The following DMD variants were observed in gnomAD, a reference collection of about 807,000 sequenced individuals.
The protein encoded by DMD is mutant dystrophin.
Under a neutral mutation model 330.1 loss-of-function variants are expected in DMD, and 63 were observed. The observed-to-expected ratio is 0.19, with a 90% CI of 0.16 to 0.24. The LOEUF is 0.24. Ranked by LOEUF, DMD falls within the 10% of genes least tolerant of loss-of-function variation. The probability of loss-of-function intolerance (pLI) is 1.00; values close to 1 mark genes in which losing one functional copy is unlikely to be tolerated. For synonymous variants in DMD, 1,223 were observed against 959.8 expected, an observed-to-expected ratio of 1.27 and a Z score of -5.07; for missense variants, 3,344 against 2,684.1, an observed-to-expected ratio of 1.25 and a Z score of -5.43.
At chrX:32,240,053 G>A (rs2097202287) in intron 43 of DMD, among the ~76,000 whole-genome samples, 1 of 110,577 alleles carries the variant, frequency 9.0e-6, no homozygotes, top group African/African-American at 3.3e-5. Flanking sequence ...TTCCATCTTT[G>A]AGACATGTTC....
intron 1 of DMD, among the ~76,000 whole-genome samples, chrX:33,111,820 A>G (rs1192084859): frequency 1.8e-5 from 2 of 110,601 alleles, no homozygotes; most frequent in Non-Finnish European, 3.8e-5. Flanking sequence ...CATGTTGGCC[A>G]GGCTGGTCTC....
At chrX:32,227,947 C>G (rs1318386936) in intron 43 of DMD, among the ~76,000 whole-genome samples, 1 of 110,735 alleles carries the variant, frequency 9.0e-6, no homozygotes, top group Non-Finnish European at 1.9e-5. Context: ...TTTAGATAAA[C>G]GAGGACTTTT....
chrX:32,580,331 G>C (rs761329668), intron 13 of DMD, among the ~76,000 whole-genome samples: 1 of 112,054 alleles, frequency 8.9e-6, no homozygotes. Flanking sequence ...CCCAACTTTT[G>C]TCTTAGAACC....
intron 11 of DMD, among the ~76,000 whole-genome samples, chrX:32,614,973 C>T (rs1243548205): frequency 3.6e-5 from 4 of 110,709 alleles, no homozygotes; most frequent in Non-Finnish European, 7.6e-5. Flanking sequence ...TTCTTCCTCT[C>T]TTGAAGCCTA....
At chrX:32,686,492 G>A (rs2062871899) in intron 9 of DMD, among the ~76,000 whole-genome samples, 1 of 99,973 alleles carries the variant, frequency 1.0e-5, no homozygotes, top group Non-Finnish European at 2.0e-5. Flanking sequence ...CCAGGAGGCA[G>A]AGGTTGCATT....
At chrX:32,121,620 C>CATATATATATATAT (rs10535803) in intron 44 of DMD, among the ~76,000 whole-genome samples, 7 of 36,420 alleles carry the variant, frequency 1.9e-4, no homozygotes, top group East Asian at 1.3e-3. Flanking sequence ...AATATGTGTG[C>CATATATATATATAT]ATATATATAT....
At chrX:31,326,765 C>T (rs745336080) in intron 61 of DMD, among the ~76,000 whole-genome samples, 1 of 111,295 alleles carries the variant, frequency 9.0e-6, no homozygotes, top group Non-Finnish European at 1.9e-5. Context: ...TAAGGGTTGT[C>T]GACAATTTCA....
intron 50 of DMD, among the ~76,000 whole-genome samples, chrX:31,784,910 T>A (rs1189078118): frequency 8.9e-6 from 1 of 111,924 alleles, no homozygotes; most frequent in Non-Finnish European, 1.9e-5. Flanking sequence ...TGGGATGTAA[T>A]CCCAGTGTAA....
chrX:31,406,022 A>G (rs1305641785), intron 60 of DMD, among the ~76,000 whole-genome samples: 1 of 112,248 alleles, frequency 8.9e-6, no homozygotes, highest in Non-Finnish European at 1.9e-5. Context: ...CAGCTTTTCA[A>G]CTTAACAAAA....
chrX:31,313,482 T>C (rs774865255), intron 62 of DMD, among the ~76,000 whole-genome samples: 1 of 112,374 alleles, frequency 8.9e-6, no homozygotes, highest in Non-Finnish European at 1.9e-5. Context: ...TTGAAACAGC[T>C]AGAAGCAATA....
At chrX:31,832,747 A>T (rs1172158919) in intron 49 of DMD, among the ~76,000 whole-genome samples, 1 of 112,635 alleles carries the variant, frequency 8.9e-6, no homozygotes, top group Non-Finnish European at 1.9e-5. Flanking sequence ...GCTTCATTTT[A>T]TCACTTTAGA....
intron 1 of DMD, among the ~76,000 whole-genome samples, chrX:33,161,421 A>G (rs2048765570): frequency 9.0e-6 from 1 of 111,727 alleles, no homozygotes. Context: ...CCTATTTCTT[A>G]CAAAACTCTT....
chrX:31,968,226 C>T, intron 45 of DMD, 113 bp downstream of exon 45: 1 of 893,650 alleles, frequency 1.1e-6, no homozygotes, highest in South Asian at 2.1e-5. Context: ...TTGATAGGTT[C>T]TTTAATGTTA....
At chrX:32,408,940 C>A (rs1354635560) in intron 30 of DMD, among the ~76,000 whole-genome samples, 2 of 109,358 alleles carry the variant, frequency 1.8e-5, no homozygotes, top group East Asian at 5.7e-4. Flanking sequence ...ATCCATCCAT[C>A]TATCCACCCC....
At chrX:32,057,895 T>C (rs961477248) in intron 44 of DMD, among the ~76,000 whole-genome samples, 8 of 111,048 alleles carry the variant, frequency 7.2e-5, no homozygotes, top group Middle Eastern at 4.6e-3. Flanking sequence ...GGCAGACATA[T>C]AGACCAATGG....
chrX:32,030,658 C>T (rs765500536), intron 44 of DMD, among the ~76,000 whole-genome samples: 4 of 111,819 alleles, frequency 3.6e-5, no homozygotes, highest in Non-Finnish European at 7.5e-5. Context: ...GGTAAAGTCA[C>T]TTGACCAAAA....
At chrX:31,732,278 G>C (rs2086565441) in intron 51 of DMD, among the ~76,000 whole-genome samples, 1 of 111,693 alleles carries the variant, frequency 9.0e-6, no homozygotes, top group Non-Finnish European at 1.9e-5. Context: ...AAATGATAAT[G>C]TATATTGCTA....
intron 1 of DMD, among the ~76,000 whole-genome samples, chrX:33,028,820 T>C (rs564535586): frequency 1.2e-4 from 14 of 112,373 alleles, no homozygotes; most frequent in African/African-American, 4.5e-4. Flanking sequence ...GTGTGCATTA[T>C]AATTTATAAA....
intron 4 of DMD, among the ~76,000 whole-genome samples, chrX:32,843,241 T>A (rs2080334001): frequency 8.9e-6 from 1 of 112,608 alleles, no homozygotes; most frequent in Admixed American, 9.4e-5. Flanking sequence ...TCCGCTCTTT[T>A]CTTCACTGCT....
Sources: allele counts gnomAD v4.1 joint callset (sites outside exome capture counted in the v4.1 genomes callset), GRCh38; gene constraint gnomAD v4.1.1; transcripts MANE v1.5; gene names NCBI Gene and HGNC (gene_info 2026-07-23, HGNC 2026-07-21).